Variants in ZFHX3 observed in about 807,000 individuals in gnomAD.
The protein encoded by ZFHX3 is zinc finger homeobox 3.
Under a neutral mutation model 279.1 loss-of-function variants are expected in ZFHX3, and 42 were observed. The observed-to-expected ratio is 0.15, with a 90% CI of 0.12 to 0.19. ZFHX3 has a LOEUF of 0.19. Ranked by LOEUF, ZFHX3 falls within the 10% of genes least tolerant of loss-of-function variation. The probability of loss-of-function intolerance (pLI) is 1.00; values close to 1 mark genes in which losing one functional copy is unlikely to be tolerated. For missense variants in ZFHX3, 4,981 were observed against 4,754.0 expected (o/e 1.05, Z -1.40); for synonymous variants, 2,293 against 1,957.8 (o/e 1.17, Z -4.52).
intron 3 of ZFHX3, among the ~76,000 whole-genome samples, chr16:73,373,149 G>C (rs1401819370): frequency 6.6e-6 from 1 of 152,024 alleles, no homozygotes; most frequent in African/African-American, 2.4e-5. Flanking sequence ...GTTTGGGGGG[G>C]GGGTGGTTCC....
At chr16:73,642,295 T>C (rs970302822) in intron 2 of ZFHX3, among the ~76,000 whole-genome samples, 2 of 152,220 alleles carry the variant, frequency 1.3e-5, no homozygotes, top group African/African-American at 4.8e-5. Context: ...GCCTCTCCTC[T>C]GCAGTCTTTC....
chr16:73,507,298 G>A (rs1254696031), intron 2 of ZFHX3, among the ~76,000 whole-genome samples: 1 of 152,078 alleles, frequency 6.6e-6, no homozygotes. Context: ...TATACACATA[G>A]GATAGATACT....
At chr16:73,754,757 A>G (rs2053792721) in intron 1 of ZFHX3, among the ~76,000 whole-genome samples, 1 of 152,152 alleles carries the variant, frequency 6.6e-6, no homozygotes, top group Non-Finnish European at 1.5e-5. Flanking sequence ...CTTTACATGA[A>G]GAAAAAAAAA....
intron 1 of ZFHX3, among the ~76,000 whole-genome samples, chr16:72,964,592 G>A (rs757233502): frequency 6.6e-6 from 1 of 151,322 alleles, no homozygotes; most frequent in Non-Finnish European, 1.5e-5. Flanking sequence ...CTAGAGCCCA[G>A]GAGTTCAAGG....
intron 2 of ZFHX3, among the ~76,000 whole-genome samples, chr16:73,632,695 A>G (rs2052487870): frequency 6.6e-6 from 1 of 151,808 alleles, no homozygotes; most frequent in African/African-American, 2.4e-5. Context: ...AAAAAAAAAA[A>G]AAAAGAAAAG....
chr16:73,733,578 T>C (rs2053586359), intron 1 of ZFHX3, among the ~76,000 whole-genome samples: 1 of 152,198 alleles, frequency 6.6e-6, no homozygotes, highest in African/African-American at 2.4e-5. Context: ...TCTTTGTTCA[T>C]CATTAACTTT....
rs554318359 is a variant in ZFHX3 at position 73,374,004 on chromosome 16, G to A, written c.-1290-55668C>T. On this transcript the variant is annotated intron_variant, in intron 3 of 17. Coordinates refer to the ZFHX3 transcript ENST00000641206. ...ACGTGCACTCTTGGGATGAGAACGG[G>A]GATGGAATGCAGCATGCACGGGGTA... Among the ~76,000 whole-genome samples the A allele has an allele frequency of 4.6e-4, 70 of 152,260 alleles. 2 individuals carry two copies. The highest frequency in any genetic ancestry group is 1.6e-3 in the African/African-American group (67 of 41,546).
At chr16:72,995,226 G>A (rs571415173) in intron 1 of ZFHX3, among the ~76,000 whole-genome samples, 5 of 152,072 alleles carry the variant, frequency 3.3e-5, no homozygotes, top group African/African-American at 7.2e-5. Flanking sequence ...AATAAATGTC[G>A]AGTCCTAATG....
intron 3 of ZFHX3, among the ~76,000 whole-genome samples, chr16:73,375,292 C>A (rs2016703640): frequency 6.6e-6 from 1 of 152,170 alleles, no homozygotes; most frequent in Non-Finnish European, 1.5e-5. Flanking sequence ...GCTGATGGCA[C>A]TTCAAGTTGA....
chr16:73,181,203 C>A (rs964262163), intron 5 of ZFHX3, among the ~76,000 whole-genome samples: 4 of 152,006 alleles, frequency 2.6e-5, no homozygotes, highest in Admixed American at 6.6e-5. Context: ...CTGCTTCAAG[C>A]GATTCTCCTG....
At chr16:73,412,713 C>T (rs1365622177) in intron 3 of ZFHX3, among the ~76,000 whole-genome samples, 2 of 152,190 alleles carry the variant, frequency 1.3e-5, no homozygotes, top group East Asian at 3.9e-4. Flanking sequence ...GCGGGAGATA[C>T]AACCACCATG....
At chr16:73,802,236 T>C (rs1960167461) in intron 1 of ZFHX3, among the ~76,000 whole-genome samples, 1 of 152,106 alleles carries the variant, frequency 6.6e-6, no homozygotes, top group Non-Finnish European at 1.5e-5. Flanking sequence ...TCAGAGATAT[T>C]AGGCAATTCT....
intron 5 of ZFHX3, among the ~76,000 whole-genome samples, chr16:73,177,896 C>T (rs74028078): frequency 0.013 from 1,966 of 152,204 alleles, 47 homozygotes; most frequent in African/African-American, 0.045. Flanking sequence ...GTTGTGGAGG[C>T]GCGGTAGGGA....
chr16:73,489,491 G>T (rs114742976), intron 2 of ZFHX3, among the ~76,000 whole-genome samples: 112 of 152,216 alleles, frequency 7.4e-4, no homozygotes, highest in African/African-American at 2.0e-3. Flanking sequence ...CCTTTCGAAG[G>T]TCTGGAATAA....
intron 3 of ZFHX3, among the ~76,000 whole-genome samples, chr16:72,906,003 T>C (rs1046162289): frequency 2.6e-5 from 4 of 152,078 alleles, no homozygotes; most frequent in African/African-American, 9.7e-5. Context: ...GAATGGACCA[T>C]TCTCTACATG....
chr16:73,800,404 A>C (rs979806275), intron 1 of ZFHX3, among the ~76,000 whole-genome samples: 8 of 151,962 alleles, frequency 5.3e-5, no homozygotes, highest in Admixed American at 3.3e-4. Flanking sequence ...TTTAGTAGAG[A>C]CGGGGTTTCA....
chr16:73,272,615 G>A (rs938294012), intron 4 of ZFHX3, among the ~76,000 whole-genome samples: 3 of 152,112 alleles, frequency 2.0e-5, no homozygotes, highest in Non-Finnish European at 2.9e-5. Context: ...AGAACCTAGC[G>A]TTATTCCCAA....
At chr16:73,852,269 C>T (rs1286940693) in intron 1 of ZFHX3, among the ~76,000 whole-genome samples, 6 of 152,186 alleles carry the variant, frequency 3.9e-5, no homozygotes, top group African/African-American at 9.7e-5. Context: ...CAACACAACA[C>T]GTCTTCATCA....
chr16:73,678,186 A>G (rs2052973714), intron 2 of ZFHX3, among the ~76,000 whole-genome samples: 1 of 152,086 alleles, frequency 6.6e-6, no homozygotes, highest in Non-Finnish European at 1.5e-5. Context: ...CTAAATGTTC[A>G]TTTTTCGATA....
Sources: gnomAD v4.1 joint callset for allele counts (sites outside exome capture counted in the v4.1 genomes callset) on GRCh38, gnomAD v4.1.1 for gene constraint, MANE v1.5 for transcripts, NCBI Gene and HGNC (gene_info 2026-07-23, HGNC 2026-07-21) for gene names.